Variants in NALF1 observed in about 807,000 individuals in gnomAD.
The protein encoded by NALF1 is NALCN channel auxiliary factor 1.
A neutral mutation model predicts 48.4 loss-of-function variants in NALF1; 3 were observed. The ratio of observed to expected loss-of-function variants is 0.06; its 90% CI spans 0.03 to 0.16. The LOEUF (loss-of-function observed/expected upper bound fraction) is 0.16. NALF1 is among the 10% of genes least tolerant of loss of function. The pLI is 1.00. For synonymous variants in NALF1, 262 were observed against 245.7 expected (o/e 1.07, Z -0.62); for missense variants, 526 against 571.5 (o/e 0.92, Z 0.81).
chr13:107,620,421 G>A lies in NALF1; in HGVS notation c.915+245261C>T, dbSNP rs149455467. On this transcript the variant is annotated intron_variant, in intron 1 of 2. Transcript: ENST00000375915. ...TGTGTGTGCCATTTGAAAATTCTAA[G>A]AGGAACAGAAAAGGCTTTGCAATTC... Among the ~76,000 whole-genome samples, 306 of 152,300 alleles carry A rather than the reference G, an allele frequency of 2.0e-3. 2 individuals carry two copies. Among genetic ancestry groups the A allele is most frequent in the Non-Finnish European group, 3.8e-3 (256 of 68,032 alleles).
chr13:107,306,149 C>T (rs2138898235), intron 1 of NALF1, among the ~76,000 whole-genome samples: 1 of 152,208 alleles, frequency 6.6e-6, no homozygotes, highest in Middle Eastern at 3.4e-3. Flanking sequence ...AATTATCCCA[C>T]AGTAATTATT....
At chr13:107,298,606 A>G (rs1308656763) in intron 1 of NALF1, among the ~76,000 whole-genome samples, 1 of 151,436 alleles carries the variant, frequency 6.6e-6, no homozygotes, top group Non-Finnish European at 1.5e-5. Context: ...TAGTTTTTGT[A>G]TTTTTAGTAG....
chr13:107,858,384 C>A (rs1346843947), intron 1 of NALF1, among the ~76,000 whole-genome samples: 3 of 152,066 alleles, frequency 2.0e-5, no homozygotes, highest in African/African-American at 7.2e-5. Flanking sequence ...GATGAAGTGA[C>A]CCTAATATTT....
chr13:107,795,289 C>T (rs190215248), intron 1 of NALF1, among the ~76,000 whole-genome samples: 23 of 152,226 alleles, frequency 1.5e-4, no homozygotes, highest in Admixed American at 7.9e-4. Context: ...CATCAATACA[C>T]ATCTTGCAAA....
intron 1 of NALF1, among the ~76,000 whole-genome samples, chr13:107,811,146 C>G (rs1878977340): frequency 6.6e-6 from 1 of 152,076 alleles, no homozygotes; most frequent in Admixed American, 6.6e-5. Context: ...CACTTTTAAG[C>G]TTTGCATTAT....
At chr13:107,226,903 G>C (rs1387172773) in intron 1 of NALF1, among the ~76,000 whole-genome samples, 1 of 152,212 alleles carries the variant, frequency 6.6e-6, no homozygotes, top group African/African-American at 2.4e-5. Flanking sequence ...TCATCTCCCA[G>C]AACTGATGCG....
intron 1 of NALF1, among the ~76,000 whole-genome samples, chr13:107,504,375 G>T: frequency 6.6e-6 from 1 of 152,010 alleles, no homozygotes; most frequent in Non-Finnish European, 1.5e-5. Context: ...GAGGATTAAT[G>T]TTCATAAGTT....
chr13:107,716,511 C>A (rs1182000916), intron 1 of NALF1, among the ~76,000 whole-genome samples: 1 of 152,302 alleles, frequency 6.6e-6, no homozygotes, highest in African/African-American at 2.4e-5. Context: ...TCTGCACTTA[C>A]ATTTACAGAC....
At chr13:107,782,800 G>A (rs1877939803) in intron 1 of NALF1, among the ~76,000 whole-genome samples, 1 of 151,724 alleles carries the variant, frequency 6.6e-6, no homozygotes, top group South Asian at 2.1e-4. Flanking sequence ...TGAGAAGGGA[G>A]GAGCCCCTCC....
At position 107,166,891 on chromosome 13, in the gene NALF1, T is replaced by C. The variant is rs1240770663; in HGVS notation, c.*3606A>G. The C allele has an allele frequency of 2.0e-5, 3 of 152,212 alleles. No homozygotes were observed. Among genetic ancestry groups the C allele is most frequent in the African/African-American group, 7.2e-5 (3 of 41,462 alleles). The allele number at this position is 152,212 out of a possible 1,614,324, so 9.4% of individuals were successfully genotyped here. ...TCTAGTACCTAAGGTACCAATTTAT[T>C]GGTAAGAAACCAAATTACTTTTTGT... On this transcript the variant is annotated 3_prime_UTR_variant, in exon 3 of 3. Transcript: ENST00000375915.
chr13:107,411,249 G>T (rs1883983979), intron 1 of NALF1, among the ~76,000 whole-genome samples: 1 of 151,810 alleles, frequency 6.6e-6, no homozygotes, highest in Non-Finnish European at 1.5e-5. Context: ...CTTCTCCTGG[G>T]AATGCCTTGT....
chr13:107,393,644 C>A (rs1157520888), intron 1 of NALF1, among the ~76,000 whole-genome samples: 1 of 152,072 alleles, frequency 6.6e-6, no homozygotes, highest in Non-Finnish European at 1.5e-5. Flanking sequence ...AAGGAAATAG[C>A]TCAATTAAAA....
At chr13:107,471,190 C>T (rs1254867055) in intron 1 of NALF1, among the ~76,000 whole-genome samples, 1 of 151,968 alleles carries the variant, frequency 6.6e-6, no homozygotes, top group Non-Finnish European at 1.5e-5. Flanking sequence ...CTATTTATTG[C>T]CGTAACCAAA....
intron 1 of NALF1, among the ~76,000 whole-genome samples, chr13:107,732,705 C>CA (rs1488588772): frequency 2.6e-5 from 4 of 152,156 alleles, no homozygotes; most frequent in Non-Finnish European, 5.9e-5. Flanking sequence ...CTGTGAATCT[C>CA]ATAGTGAGAT....
At chr13:107,723,206 G>A (rs1876039789) in intron 1 of NALF1, among the ~76,000 whole-genome samples, 5 of 152,078 alleles carry the variant, frequency 3.3e-5, no homozygotes, top group Admixed American at 3.3e-4. Context: ...AGAATCCCTT[G>A]CTGCTTTTGT....
At chr13:107,593,484 G>C (rs576233520) in intron 1 of NALF1, among the ~76,000 whole-genome samples, 1 of 151,744 alleles carries the variant, frequency 6.6e-6, no homozygotes, top group African/African-American at 2.4e-5. Flanking sequence ...TTTCCCAGAA[G>C]AAATAAGCAA....
chr13:107,612,573 G>A (rs908073192), intron 1 of NALF1, among the ~76,000 whole-genome samples: 8 of 152,098 alleles, frequency 5.3e-5, no homozygotes, highest in Admixed American at 1.3e-4. Context: ...GGCCTTGTGC[G>A]ATCAGTTGAA....
intron 1 of NALF1, among the ~76,000 whole-genome samples, chr13:107,467,716 G>A (rs1885026996): frequency 6.6e-6 from 1 of 152,156 alleles, no homozygotes; most frequent in Non-Finnish European, 1.5e-5. Context: ...TAAACCATCA[G>A]TAAAATTCTT....
At chr13:107,753,530 G>A (rs987820284) in intron 1 of NALF1, among the ~76,000 whole-genome samples, 5 of 149,752 alleles carry the variant, frequency 3.3e-5, no homozygotes, top group African/African-American at 9.9e-5. Context: ...GGATGATGAC[G>A]AAATACAAAG....
Sources: gnomAD v4.1 joint callset for allele counts (sites outside exome capture counted in the v4.1 genomes callset) on GRCh38, gnomAD v4.1.1 for gene constraint, MANE v1.5 for transcripts, NCBI Gene and HGNC (gene_info 2026-07-23, HGNC 2026-07-21) for gene names.